The following RGPD1 variants were observed in gnomAD, a reference collection of about 807,000 sequenced individuals.
The protein encoded by RGPD1 is RANBP2-like and GRIP domain-containing protein 1.
Under a neutral mutation model 40.6 loss-of-function variants are expected in RGPD1, and 7 were observed. That is an observed-to-expected ratio of 0.17 (90% CI 0.10 to 0.32). The LOEUF is 0.32. Ranked by LOEUF, RGPD1 falls within the 10% of genes least tolerant of loss-of-function variation. RGPD1 has a pLI of 1.00. For synonymous variants in RGPD1, 24 were observed against 167.0 expected (o/e 0.14, Z 6.60); for missense variants, 50 against 472.5 (o/e 0.11, Z 8.29).
At position 86,971,201 on chromosome 2, in the gene RGPD1, A is replaced by AT. The variant is rs1310288991; in HGVS notation, c.1064-526dup. Among the ~76,000 whole-genome samples, 10 of 56,828 alleles carry AT rather than the reference A, an allele frequency of 1.8e-4. No homozygotes were observed. In the South Asian group the frequency reaches 2.7e-3, roughly 15 times the overall value. 37.3% of individuals were successfully genotyped at this position (56,828 alleles called of 152,430 possible). ...AGGCGCCCGCCACCAGGGCCGGCTA[A>AT]TTTTTTTTTTTTTTTTTTTTGTATT... On this transcript the variant is annotated intron_variant, in intron 8 of 22. Transcript: ENST00000641458.
upstream of RGPD1, chr2:86,913,691 T>C (rs1677551553): frequency 2.3e-6 from 3 of 1,322,046 alleles, 1 homozygote; most frequent in South Asian, 4.0e-5. Context: ...AGCGCCGACG[T>C]CGCCAAGGAT....
chr2:86,942,755 C>G (rs1347270505), intron 1 of RGPD1, among the ~76,000 whole-genome samples: 1 of 151,176 alleles, frequency 6.6e-6, no homozygotes, highest in Non-Finnish European at 1.5e-5. Context: ...CTGACGGGCG[C>G]TGCTCCCTGG....
rs1385100206 is a variant in RGPD1 at position 86,913,916 on chromosome 2, G to A, written c.67G>A (p.Gly23Arg). 3 of 1,529,424 alleles carry A rather than the reference G, an allele frequency of 2.0e-6. 1 individual carries two copies. Among genetic ancestry groups the A allele is most frequent in the Non-Finnish European group, 2.6e-6 (3 of 1,140,404 alleles). 94.7% of individuals were successfully genotyped at this position (1,529,424 alleles called of 1,614,324 possible). A position where few individuals can be genotyped will look rare whatever the true frequency, so the allele number is the denominator to read the frequency against. ...GGTGCAGGGCTCCGCCCCGTCGCCT[G>A]GAAAGGTGAGTGGATCTCGAAGAGA... The change falls in exon 1 of 23, where the codon GGA becomes AGA. Residue 23 changes from glycine to arginine, a missense_variant. By Grantham distance (125) the Gly-to-Arg change is moderately radical. Coordinates refer to the RGPD1 transcript ENST00000398193.
chr2:86,947,797 AC>A (rs1400328422), intron 1 of RGPD1, among the ~76,000 whole-genome samples: 3 of 125,832 alleles, frequency 2.4e-5, no homozygotes, highest in African/African-American at 8.7e-5. Context: ...CACGGCCTTC[AC>A]CCTTGTTGGG....
chr2:86,941,660 C>G (rs1679759905), upstream of RGPD1, among the ~76,000 whole-genome samples: 1 of 151,204 alleles, frequency 6.6e-6, no homozygotes, highest in African/African-American at 2.4e-5. Context: ...ATAGAGAGGT[C>G]TGACTTTTCC....
chr2:86,918,256 C>T (rs1677863533), intron 1 of RGPD1, among the ~76,000 whole-genome samples: 1 of 146,370 alleles, frequency 6.8e-6, no homozygotes, highest in South Asian at 2.1e-4. Flanking sequence ...AACATCCTTA[C>T]AGGCCCTTAT....
intron 1 of RGPD1, among the ~76,000 whole-genome samples, chr2:86,931,471 G>A (rs1678955675): frequency 1.3e-5 from 2 of 151,024 alleles, no homozygotes; most frequent in Admixed American, 6.6e-5. Flanking sequence ...TCTGGGAGGT[G>A]GTATTTGACT....
intron 4 of RGPD1, among the ~76,000 whole-genome samples, chr2:86,956,839 G>T (rs1301878448): frequency 9.9e-6 from 1 of 101,232 alleles, no homozygotes; most frequent in Non-Finnish European, 1.8e-5. Context: ...TCATGTGGTG[G>T]AGAAGTATAT....
At chr2:86,945,171 A>G (rs921696420) in intron 1 of RGPD1, among the ~76,000 whole-genome samples, 2 of 152,170 alleles carry the variant, frequency 1.3e-5, no homozygotes, top group African/African-American at 4.8e-5. Flanking sequence ...TCTCCATTAA[A>G]TAAAGTGGAG....
intron 1 of RGPD1, among the ~76,000 whole-genome samples, chr2:86,944,871 C>T (rs979993434): frequency 1.3e-5 from 2 of 151,662 alleles, no homozygotes; most frequent in Non-Finnish European, 2.9e-5. Flanking sequence ...TACAGGCATG[C>T]GCCACCATGC....
chr2:86,920,684 AAAGG>A (rs1678096929), intron 1 of RGPD1, among the ~76,000 whole-genome samples: 2 of 117,778 alleles, frequency 1.7e-5, no homozygotes, highest in Admixed American at 1.0e-4. Flanking sequence ...TGATAATTAT[AAAGG>A]AAGGAATAAG....
intron 1 of RGPD1, chr2:86,930,487 G>T: frequency 6.8e-7 from 1 of 1,478,108 alleles, no homozygotes; most frequent in Non-Finnish European, 9.3e-7. Flanking sequence ...ATTTCACGCT[G>T]CCGCTGCTGT....
intron 1 of RGPD1, among the ~76,000 whole-genome samples, chr2:86,936,858 T>G (rs1311446067): frequency 2.8e-5 from 4 of 144,564 alleles, no homozygotes; most frequent in Admixed American, 2.1e-4. Flanking sequence ...TTTTATTTTA[T>G]TTTTTCTGCT....
chr2:86,945,892 TAAAA>T (rs1016388119), intron 1 of RGPD1, among the ~76,000 whole-genome samples: 1 of 136,906 alleles, frequency 7.3e-6, no homozygotes, highest in Non-Finnish European at 1.6e-5. Flanking sequence ...AATAAAAAAA[TAAAA>T]AAATATATAA....
chr2:86,943,037 A>G lies in RGPD1; in HGVS notation c.72+729A>G, dbSNP rs929652737. Among the ~76,000 whole-genome samples the G allele has an allele frequency of 6.0e-5, 9 of 150,336 alleles. No homozygotes were observed. The East Asian group carries it at 1.8e-3, about 30-fold the overall frequency. On this transcript the variant is annotated intron_variant, in intron 1 of 22. Coordinates refer to ENST00000641458, the MANE Select transcript of RGPD1 (RefSeq NM_001382344.1). ...GTTTCTTCCCATGTCCTGGACATTT[A>G]CTTTATATGCTGCGGCGGAGGTCGT...
upstream of RGPD1, among the ~76,000 whole-genome samples, chr2:86,938,653 C>CT (rs1679510971): frequency 6.6e-6 from 1 of 150,842 alleles, no homozygotes; most frequent in South Asian, 2.1e-4. Flanking sequence ...TTTTGTCATG[C>CT]TTTAAGGCCC....
At chr2:86,925,584 T>A (rs1678424281) in intron 1 of RGPD1, among the ~76,000 whole-genome samples, 2 of 152,166 alleles carry the variant, frequency 1.3e-5, no homozygotes, top group Non-Finnish European at 2.9e-5. Flanking sequence ...ATTCTTTTTA[T>A]AACATTTTCA....
At chr2:86,913,935 G>A (rs1487319808) in intron 1 of RGPD1, 1 of 1,419,370 alleles carries the variant, frequency 7.0e-7, no homozygotes, top group Non-Finnish European at 9.3e-7. Flanking sequence ...AGTGGATCTC[G>A]AAGAGACCGA....
At chr2:86,993,099 T>C (rs1427647389) in intron 20 of RGPD1, among the ~76,000 whole-genome samples, 2 of 150,392 alleles carry the variant, frequency 1.3e-5, no homozygotes, top group Admixed American at 1.3e-4. Flanking sequence ...TGTATCTCTG[T>C]AAGGCCGAAT....
Sources: gnomAD v4.1 joint callset for allele counts (sites outside exome capture counted in the v4.1 genomes callset) on GRCh38, gnomAD v4.1.1 for gene constraint, MANE v1.5 for transcripts, NCBI Gene and HGNC (gene_info 2026-07-23, HGNC 2026-07-21) for gene names.